SORCS3: variants seen among roughly 807,000 people sequenced by gnomAD.
SORCS3 encodes the protein sortilin related VPS10 domain containing receptor 3, also known as VPS10 domain-containing receptor SorCS3.
SORCS3 carries 57 observed loss-of-function variants against 146.3 expected under a neutral mutation model. The observed-to-expected ratio is 0.39, with a 90% confidence interval of 0.31 to 0.49. SORCS3 has a LOEUF of 0.49. SORCS3 is among the 20% of genes least tolerant of loss of function. SORCS3 has a pLI of 0.92. For missense variants in SORCS3, 1,341 were observed against 1,575.5 expected (o/e 0.85, Z 2.52); for synonymous variants, 653 against 618.5 (o/e 1.06, Z -0.83).
chr10:104,974,475 T>G (rs560446106), intron 3 of SORCS3, among the ~76,000 whole-genome samples: 27 of 152,316 alleles, frequency 1.8e-4, no homozygotes, highest in African/African-American at 6.3e-4. Flanking sequence ...CTTTTGATCT[T>G]TGTTGTTTTG....
intron 1 of SORCS3, among the ~76,000 whole-genome samples, chr10:104,772,315 A>G (rs2017258917): frequency 6.6e-6 from 1 of 152,014 alleles, no homozygotes; most frequent in South Asian, 2.1e-4. Flanking sequence ...GGCCCTTCTC[A>G]CACTCCCAGC....
intron 2 of SORCS3, among the ~76,000 whole-genome samples, chr10:104,861,936 C>CTTGTAGAATCATTACCTTACCTCACACA (rs2018408243): frequency 6.6e-6 from 1 of 152,196 alleles, no homozygotes; most frequent in African/African-American, 2.4e-5. Context: ...CACCTTACCT[C>CTTGTAGAATCATTACCTTACCTCACACA]TGCCTTTATC....
intron 18 of SORCS3, among the ~76,000 whole-genome samples, chr10:105,216,549 A>G (rs2056666198): frequency 6.6e-6 from 1 of 152,060 alleles, no homozygotes; most frequent in East Asian, 1.9e-4. Context: ...GGCACTAATA[A>G]AAAAAACCTC....
chr10:104,932,554 CAGG>C (rs1325977739), intron 3 of SORCS3, among the ~76,000 whole-genome samples: 1 of 152,232 alleles, frequency 6.6e-6, no homozygotes, highest in East Asian at 1.9e-4. Context: ...CAGGTGTCCA[CAGG>C]AGAACATCTA....
At chr10:104,940,238 A>ATTTTTTTT (rs1186082602) in intron 3 of SORCS3, among the ~76,000 whole-genome samples, 1 of 31,516 alleles carries the variant, frequency 3.2e-5, no homozygotes, top group Non-Finnish European at 6.1e-5. Context: ...ATATATATAT[A>ATTTTTTTT]TTTTTTTTTT....
chr10:104,689,906 A>G (rs1367489786), intron 1 of SORCS3, among the ~76,000 whole-genome samples: 3 of 152,220 alleles, frequency 2.0e-5, no homozygotes, highest in Admixed American at 2.0e-4. Context: ...GTCTGTGGCT[A>G]ACTGGTTAAT....
At chr10:105,138,623 G>A (rs1001845002) in intron 7 of SORCS3, among the ~76,000 whole-genome samples, 11 of 152,222 alleles carry the variant, frequency 7.2e-5, no homozygotes, top group African/African-American at 2.4e-4. Context: ...CTGCAGAGCC[G>A]TGCCATGTTG....
At chr10:104,721,645 T>C (rs1314955109) in intron 1 of SORCS3, among the ~76,000 whole-genome samples, 1 of 152,230 alleles carries the variant, frequency 6.6e-6, no homozygotes, top group East Asian at 1.9e-4. Context: ...TATTCTCTTT[T>C]ATTTTATTGA....
At chr10:104,889,068 T>A (rs1464748352) in intron 2 of SORCS3, among the ~76,000 whole-genome samples, 6 of 152,196 alleles carry the variant, frequency 3.9e-5, no homozygotes, top group South Asian at 2.1e-4. Context: ...GTAGTTGTTT[T>A]TTTGGCTCTG....
At chr10:104,970,325 T>G (rs755919927) in intron 3 of SORCS3, among the ~76,000 whole-genome samples, 7 of 152,098 alleles carry the variant, frequency 4.6e-5, no homozygotes, top group Non-Finnish European at 1.0e-4. Flanking sequence ...TTTTGTATTT[T>G]TGGTAGAGAT....
At chr10:105,183,282 C>T (rs961936042) in intron 14 of SORCS3, among the ~76,000 whole-genome samples, 2 of 152,170 alleles carry the variant, frequency 1.3e-5, no homozygotes, top group Admixed American at 6.5e-5. Flanking sequence ...TTAATTGTTC[C>T]ACCAGCAGAA....
At chr10:105,195,664 G>A (rs943258288) in intron 14 of SORCS3, among the ~76,000 whole-genome samples, 1 of 152,208 alleles carries the variant, frequency 6.6e-6, no homozygotes, top group African/African-American at 2.4e-5. Context: ...AAGTGACCAT[G>A]TGTCTGAGTC....
At chr10:105,203,933 A>G (rs1418587540) in intron 16 of SORCS3, among the ~76,000 whole-genome samples, 1 of 152,158 alleles carries the variant, frequency 6.6e-6, no homozygotes, top group Non-Finnish European at 1.5e-5. Flanking sequence ...ACCAAAGCTT[A>G]TACATCCAAA....
intron 3 of SORCS3, among the ~76,000 whole-genome samples, chr10:104,970,408 A>G (rs1012744517): frequency 6.6e-6 from 1 of 152,132 alleles, no homozygotes; most frequent in Non-Finnish European, 1.5e-5. Flanking sequence ...CGGCCTCCCA[A>G]AGAGCTGGGA....
chr10:104,801,224 G>A (rs554104124), intron 1 of SORCS3, among the ~76,000 whole-genome samples: 50 of 152,182 alleles, frequency 3.3e-4, no homozygotes, highest in Non-Finnish European at 6.2e-4. Flanking sequence ...GGGGAATCAA[G>A]AGGGCCTATT....
intron 2 of SORCS3, among the ~76,000 whole-genome samples, chr10:104,862,024 A>G (rs1221217442): frequency 6.6e-6 from 1 of 152,196 alleles, no homozygotes; most frequent in Admixed American, 6.5e-5. Flanking sequence ...ATCCTACTGC[A>G]GTATGCCCTC....
intron 13 of SORCS3, among the ~76,000 whole-genome samples, chr10:105,176,494 A>G (rs2056403622): frequency 6.6e-6 from 1 of 152,098 alleles, no homozygotes; most frequent in African/African-American, 2.4e-5. Flanking sequence ...TCAAGGCTGC[A>G]ATGAGCTATG....
chr10:104,924,543 A>G (rs896325644), intron 3 of SORCS3, among the ~76,000 whole-genome samples: 3 of 152,202 alleles, frequency 2.0e-5, no homozygotes, highest in African/African-American at 7.2e-5. Context: ...GTGGGAAACC[A>G]AGGACTTGCA....
intron 22 of SORCS3, among the ~76,000 whole-genome samples, chr10:105,248,103 A>C (rs1318595580): frequency 6.6e-6 from 1 of 152,240 alleles, no homozygotes; most frequent in Non-Finnish European, 1.5e-5. Flanking sequence ...TCCAAGGTCA[A>C]ATTTGCCTTA....
Sources: allele counts gnomAD v4.1 joint callset (sites outside exome capture counted in the v4.1 genomes callset), GRCh38; gene constraint gnomAD v4.1.1; transcripts MANE v1.5; gene names NCBI Gene and HGNC (gene_info 2026-07-23, HGNC 2026-07-21).